Variants in SPOCK3 observed in about 807,000 individuals in gnomAD.
SPOCK3 encodes testican-3.
Under a neutral mutation model 56.6 loss-of-function variants are expected in SPOCK3, and 30 were observed. That is an observed-to-expected ratio of 0.53 (90% CI 0.40 to 0.72). The LOEUF is 0.72. Ranked by LOEUF, SPOCK3 falls within the 30% of genes least tolerant of loss-of-function variation. SPOCK3 has a pLI of 0.00. For missense variants in SPOCK3, 527 were observed against 530.0 expected, an observed-to-expected ratio of 0.99 and a Z score of 0.06; for synonymous variants, 196 against 183.3, an observed-to-expected ratio of 1.07 and a Z score of -0.56.
chr4:167,150,952 G>A (rs895734441), intron 2 of SPOCK3, among the ~76,000 whole-genome samples: 2 of 152,078 alleles, frequency 1.3e-5, no homozygotes, highest in African/African-American at 2.4e-5. Flanking sequence ...TATGATCAGA[G>A]TATAAAATTT....
intron 2 of SPOCK3, among the ~76,000 whole-genome samples, chr4:167,077,954 A>G (rs1561193030): frequency 6.6e-6 from 1 of 151,884 alleles, no homozygotes; most frequent in Admixed American, 6.6e-5. Context: ...ATGCCATACC[A>G]TGGTAGCCTG....
At chr4:166,902,915 A>G (rs1277558854) in intron 5 of SPOCK3, among the ~76,000 whole-genome samples, 1 of 150,724 alleles carries the variant, frequency 6.6e-6, no homozygotes, top group Non-Finnish European at 1.5e-5. Context: ...TATATATTAT[A>G]CAGTTGATGT....
At chr4:167,169,805 G>T (rs1371898216) in intron 2 of SPOCK3, among the ~76,000 whole-genome samples, 1 of 152,072 alleles carries the variant, frequency 6.6e-6, no homozygotes, top group African/African-American at 2.4e-5. Flanking sequence ...AAGTGTCAAG[G>T]TGGAGCCAGG....
At chr4:166,814,059 A>G (rs1465936680) in intron 6 of SPOCK3, among the ~76,000 whole-genome samples, 2 of 152,078 alleles carry the variant, frequency 1.3e-5, no homozygotes, top group African/African-American at 2.4e-5. Flanking sequence ...AAAATCAGCA[A>G]CTTACAAATT....
chr4:167,095,358 T>C (rs1230886189), intron 2 of SPOCK3, among the ~76,000 whole-genome samples: 1 of 152,056 alleles, frequency 6.6e-6, no homozygotes, highest in Non-Finnish European at 1.5e-5. Context: ...ATAACAGTAA[T>C]GTCATCAAAG....
intron 6 of SPOCK3, among the ~76,000 whole-genome samples, chr4:166,874,686 C>G (rs1376075697): frequency 6.6e-6 from 1 of 152,078 alleles, no homozygotes; most frequent in African/African-American, 2.4e-5. Context: ...TCCCTGGACA[C>G]TTGGGTTTTA....
chr4:167,108,507 C>T (rs560099635), intron 2 of SPOCK3, among the ~76,000 whole-genome samples: 1 of 152,018 alleles, frequency 6.6e-6, no homozygotes, highest in South Asian at 2.1e-4. Flanking sequence ...TTTGCAACAA[C>T]ATGGATGGAA....
chr4:166,771,135 T>A (rs1171405484), intron 7 of SPOCK3, among the ~76,000 whole-genome samples: 1 of 150,792 alleles, frequency 6.6e-6, no homozygotes, highest in African/African-American at 2.4e-5. Flanking sequence ...AGTCACCCAA[T>A]AGTAGCTATT....
intron 9 of SPOCK3, among the ~76,000 whole-genome samples, chr4:166,739,954 T>C (rs72695590): frequency 0.05 from 7,646 of 152,226 alleles, 219 homozygotes; most frequent in Non-Finnish European, 0.056. Context: ...ACGCTTTCTA[T>C]GGATTAAAGG....
chr4:166,910,345 AAAT>A (rs1263866162), intron 5 of SPOCK3, among the ~76,000 whole-genome samples: 10 of 152,134 alleles, frequency 6.6e-5, no homozygotes, highest in Admixed American at 4.6e-4. Flanking sequence ...ATAAATATTA[AAAT>A]AATAATTCAA....
intron 3 of SPOCK3, among the ~76,000 whole-genome samples, chr4:167,037,625 C>T (rs928058738): frequency 6.6e-6 from 1 of 152,166 alleles, no homozygotes; most frequent in African/African-American, 2.4e-5. Context: ...TCCACAGGCA[C>T]ACTGTGAAAG....
chr4:166,944,153 T>A (rs560874068), intron 4 of SPOCK3, among the ~76,000 whole-genome samples: 5 of 151,796 alleles, frequency 3.3e-5, no homozygotes, highest in African/African-American at 7.3e-5. Context: ...TCAAAAAAAA[T>A]TTTTTTTGAA....
chr4:167,154,838 C>G (rs1299139061), intron 2 of SPOCK3, among the ~76,000 whole-genome samples: 3 of 152,056 alleles, frequency 2.0e-5, no homozygotes, highest in African/African-American at 7.2e-5. Flanking sequence ...AAAATCGGAT[C>G]ACAGGAACTT....
chr4:166,838,118 G>C (rs1746825106), intron 6 of SPOCK3, among the ~76,000 whole-genome samples: 1 of 151,804 alleles, frequency 6.6e-6, no homozygotes, highest in Non-Finnish European at 1.5e-5. Context: ...CTTTAGTTTT[G>C]CAGAAGTTTG....
At chr4:166,873,794 C>A (rs967568032) in intron 6 of SPOCK3, among the ~76,000 whole-genome samples, 1 of 151,934 alleles carries the variant, frequency 6.6e-6, no homozygotes, top group Non-Finnish European at 1.5e-5. Flanking sequence ...ATGCTAAGAA[C>A]ATAGGTTGGT....
chr4:166,874,565 T>C (rs558948331), intron 6 of SPOCK3, among the ~76,000 whole-genome samples: 1 of 152,324 alleles, frequency 6.6e-6, no homozygotes, highest in South Asian at 2.1e-4. Context: ...AATTAGCATG[T>C]AATTGCTAAT....
chr4:167,101,892 T>A (rs1055627134), intron 2 of SPOCK3, among the ~76,000 whole-genome samples: 2 of 149,136 alleles, frequency 1.3e-5, no homozygotes, highest in African/African-American at 4.9e-5. Context: ...CAGGCTGAGT[T>A]TTTTTTTTTT....
intron 4 of SPOCK3, among the ~76,000 whole-genome samples, chr4:166,979,275 A>G (rs1274397347): frequency 2.0e-5 from 3 of 151,976 alleles, no homozygotes; most frequent in Non-Finnish European, 4.4e-5. Flanking sequence ...TGTCTCAAAG[A>G]CTTTGCCCCT....
intron 6 of SPOCK3, 140 bp from the exon 7 acceptor site, chr4:166,792,429 T>A: frequency 1.3e-6 from 1 of 744,922 alleles, no homozygotes; most frequent in Non-Finnish European, 2.1e-6. Context: ...TTTTCAAAGT[T>A]AAATATATGC....
Sources: allele counts gnomAD v4.1 joint callset (sites outside exome capture counted in the v4.1 genomes callset), GRCh38; gene constraint gnomAD v4.1.1; transcripts MANE v1.5; gene names NCBI Gene and HGNC (gene_info 2026-07-23, HGNC 2026-07-21).